ACTR1A: variants seen among roughly 807,000 people sequenced by gnomAD.
ACTR1A encodes the protein actin related protein 1A, also known as alpha-centractin.
A neutral mutation model predicts 50.7 loss-of-function variants in ACTR1A; 10 were observed. The observed-to-expected ratio is 0.20, with a 90% CI of 0.12 to 0.33. The LOEUF is 0.33. Ranked by LOEUF, ACTR1A falls within the 10% of genes least tolerant of loss-of-function variation. The pLI, the probability that ACTR1A is intolerant of heterozygous loss-of-function variation, is 1.00. For synonymous variants in ACTR1A, 177 were observed against 184.2 expected, an observed-to-expected ratio of 0.96 and a Z score of 0.32; for missense variants, 253 against 491.7, an observed-to-expected ratio of 0.51 and a Z score of 4.59.
At position 102,484,549 on chromosome 10, in the gene ACTR1A, A is replaced by G. The variant is rs531180403; in HGVS notation, c.441-173T>C. 3.6e-4 allele frequency among the ~76,000 whole-genome samples: 54 copies of G among 152,074 alleles called. 1 individual carries two copies. Among genetic ancestry groups the G allele is most frequent in the Non-Finnish European group, 5.7e-4 (39 of 68,002 alleles). ...GCCCAGGTGTTGGAGCAAGCCATGA[A>G]ATACCTGAACGGAAGTTGCTGATCT... On this transcript the variant is annotated intron_variant, in intron 5 of 10. Coordinates refer to ENST00000369905, the MANE Select transcript of ACTR1A (RefSeq NM_005736.4).
intron 4 of ACTR1A, among the ~76,000 whole-genome samples, chr10:102,487,411 C>CCACA (rs145401540): frequency 1.3e-5 from 2 of 150,916 alleles, no homozygotes; most frequent in African/African-American, 4.9e-5. Flanking sequence ...CAAAACCCCA[C>CCACA]CACACACACA....
chr10:102,501,536 C>T (rs2062251570), intron 1 of ACTR1A, among the ~76,000 whole-genome samples: 1 of 152,150 alleles, frequency 6.6e-6, no homozygotes, highest in African/African-American at 2.4e-5. Flanking sequence ...AGTCGTTTTA[C>T]AATTTTCTCC....
At chr10:102,485,586 C>T (rs369506532) in intron 5 of ACTR1A, 23 bp downstream of exon 5, 26 of 1,612,378 alleles carry the variant, frequency 1.6e-5, no homozygotes, top group Admixed American at 3.3e-5. Context: ...CCGCAGGGGC[C>T]GGGCTAGCCA....
At chr10:102,499,307 A>T (rs2062236337) in intron 1 of ACTR1A, among the ~76,000 whole-genome samples, 1 of 152,032 alleles carries the variant, frequency 6.6e-6, no homozygotes, top group Non-Finnish European at 1.5e-5. Flanking sequence ...AAACAAAATG[A>T]CCCCCCAAAT....
chr10:102,486,716 C>A (rs2062169787), intron 4 of ACTR1A, among the ~76,000 whole-genome samples: 1 of 151,694 alleles, frequency 6.6e-6, no homozygotes. Flanking sequence ...AAAAAAAACC[C>A]AAAACTGAAA....
chr10:102,486,857 C>T (rs2062170970), intron 4 of ACTR1A, among the ~76,000 whole-genome samples: 1 of 151,298 alleles, frequency 6.6e-6, no homozygotes, highest in East Asian at 1.9e-4. Flanking sequence ...GCGATCTTGG[C>T]TTACTGCAAC....
Position 102,482,748 on chromosome 10 carries a change from A to C in ACTR1A, c.750+263T>G, listed in dbSNP as rs1009677459. 2.1e-6 allele frequency: 1 copy of C among 485,834 alleles called. No individual in the cohort carries two copies. Among genetic ancestry groups the C allele is most frequent in the Non-Finnish European group, 3.7e-6 (1 of 269,438 alleles). The allele number at this position is 485,834 out of a possible 1,614,324, so 30.1% of individuals were successfully genotyped here. A position where few individuals can be genotyped will look rare whatever the true frequency, so the allele number is the denominator to read the frequency against. ...GAAGAATTGTCTTGGGCCACACATA[A>C]TATACACTAACACTAATGACAGCTG... On this transcript the variant is annotated intron_variant, in intron 7 of 10. Coordinates refer to ENST00000369905, the MANE Select transcript of ACTR1A (RefSeq NM_005736.4). This position sits in a 1 kb window ranked among gnomAD's most constrained non-coding sequence, Gnocchi z 5.6.
At chr10:102,499,214 A>G (rs2062236109) in intron 1 of ACTR1A, among the ~76,000 whole-genome samples, 1 of 152,212 alleles carries the variant, frequency 6.6e-6, no homozygotes, top group African/African-American at 2.4e-5. Context: ...AGCTAGTGAT[A>G]CATTATTCTC....
intron 1 of ACTR1A, among the ~76,000 whole-genome samples, chr10:102,501,656 G>A (rs931525534): frequency 6.6e-6 from 1 of 152,170 alleles, no homozygotes; most frequent in Non-Finnish European, 1.5e-5. Context: ...TGGATTTAGG[G>A]CACCTCTGCT....
Position 102,482,371 on chromosome 10 carries a change from A to G in ACTR1A, c.751-196T>C. On this transcript the variant is annotated intron_variant, in intron 7 of 10. Coordinates refer to ENST00000369905, the MANE Select transcript of ACTR1A (RefSeq NM_005736.4). This position sits in a 1 kb window ranked among gnomAD's most constrained non-coding sequence, Gnocchi z 5.6. ...TGGAAACTAGTGAGGGGAGGCTCCT[A>G]TATTTCCTTCTCGCTCTGGCATTTT... 1 of 598,482 alleles carries G rather than the reference A, an allele frequency of 1.7e-6. No homozygotes were observed. Among genetic ancestry groups the G allele is most frequent in the South Asian group, 2.1e-5 (1 of 48,662 alleles). The allele number at this position is 598,482 out of a possible 1,614,324, so 37.1% of individuals were successfully genotyped here. A position where few individuals can be genotyped will look rare whatever the true frequency, so the allele number is the denominator to read the frequency against.
chr10:102,490,698 A>G, intron 1 of ACTR1A, 85 bp from the exon 2 acceptor site: 1 of 1,197,352 alleles, frequency 8.4e-7, no homozygotes, highest in South Asian at 1.3e-5. Context: ...ATTTTTATTT[A>G]AGAAAAGAAA....
chr10:102,486,705 C>CA (rs201415135), intron 4 of ACTR1A, among the ~76,000 whole-genome samples: 13 of 150,608 alleles, frequency 8.6e-5, no homozygotes, highest in Admixed American at 5.3e-4. Flanking sequence ...AAAAAGCAAA[C>CA]AAAAAAAACC....
In ACTR1A at chr10:102,490,570, G is replaced by A; in HGVS notation, c.92C>T (p.Pro31Leu). The change falls in exon 2 of 11, where the codon CCC (proline) becomes CTC (leucine). Residue 31 changes from proline to leucine, a missense_variant. Physicochemically the swap from Pro to Leu is moderately conservative, Grantham distance 98 (BLOSUM62 -3). This residue lies in a region of ACTR1A where 96 missense variants were observed against 238.7 expected (regional missense o/e 0.40). Transcript: ENST00000369905. ...TTACTAGTTTGGAAAGCAGTATTTGGGGATCTGATCACCAGCAAAACCAGC... is the reference window on the plus strand; with the variant it reads ...TTACTAGTTTGGAAAGCAGTATTTGAGGATCTGATCACCAGCAAAACCAGC... Reference protein sequence around the residue: ...IKAGFAGDQIPKYCFPNYVGR... With the variant: ...IKAGFAGDQILKYCFPNYVGR... The A allele has an allele frequency of 6.2e-7, 1 of 1,613,530 alleles. No individual in the cohort carries two copies. Among genetic ancestry groups the A allele is most frequent in the South Asian group, 1.1e-5 (1 of 91,054 alleles).
chr10:102,489,234 A>T lies in ACTR1A; in HGVS notation c.114-96T>A, dbSNP rs976416788. On this transcript the variant is annotated intron_variant, in intron 2 of 10. Transcript: ENST00000369905. ...ACATACACACTCAAATTCTACTGAG[A>T]TTATCTTCAAGGAGTGAAGTCACAG... 9.9e-6 allele frequency: 8 copies of T among 804,662 alleles called. No individual in the cohort carries two copies. The East Asian group carries it at 2.4e-4, about 25-fold the overall frequency. 49.8% of individuals were successfully genotyped at this position (804,662 alleles called of 1,614,324 possible). A position where few individuals can be genotyped will look rare whatever the true frequency, so the allele number is the denominator to read the frequency against.
Position 102,481,180 on chromosome 10 carries a change from G to T in ACTR1A, c.988-8C>A, listed in dbSNP as rs757199234. 7 of 1,582,390 alleles carry T rather than the reference G, an allele frequency of 4.4e-6. No individual in the cohort carries two copies. The Admixed American group carries it at 5.6e-5, about 13-fold the overall frequency. On this transcript the variant is annotated splice_polypyrimidine_tract_variant and splice_region_variant and intron_variant, in intron 9 of 10. Coordinates refer to ENST00000369905, the MANE Select transcript of ACTR1A (RefSeq NM_005736.4). ...CTCCTGAGGTGCAGATATCTGCAAAGGTGGGGGAAAGAGGAATCTGAGACT... is the reference window on the plus strand; with the variant it reads ...CTCCTGAGGTGCAGATATCTGCAAATGTGGGGGAAAGAGGAATCTGAGACT...
intron 6 of ACTR1A, chr10:102,483,588 T>C (rs1194183764): frequency 1.9e-5 from 3 of 158,930 alleles, no homozygotes; most frequent in African/African-American, 7.2e-5. Flanking sequence ...GCTGCAATTC[T>C]AGCACTTTGG....
intron 6 of ACTR1A, 126 bp downstream of exon 6, chr10:102,484,034 A>C: frequency 2.5e-6 from 2 of 801,616 alleles, no homozygotes; most frequent in African/African-American, 1.7e-5. Context: ...CTGGCTGGGA[A>C]GAACAAGGCC....
chr10:102,499,571 C>T (rs899740319), intron 1 of ACTR1A, among the ~76,000 whole-genome samples: 1 of 152,106 alleles, frequency 6.6e-6, no homozygotes, highest in African/African-American at 2.4e-5. Flanking sequence ...AAAATTAAGA[C>T]GCATTAGTGT....
intron 1 of ACTR1A, among the ~76,000 whole-genome samples, chr10:102,500,041 A>C (rs1365844887): frequency 6.6e-6 from 1 of 152,170 alleles, no homozygotes; most frequent in East Asian, 1.9e-4. Flanking sequence ...ATCTTTCTTA[A>C]ATTTTTTTTC....
Sources: allele counts gnomAD v4.1 joint callset (sites outside exome capture counted in the v4.1 genomes callset), GRCh38; gene constraint gnomAD v4.1.1; regional missense constraint gnomAD v4.1.1; non-coding constraint Gnocchi (gnomAD v3.1); transcripts MANE v1.5; gene names NCBI Gene and HGNC (gene_info 2026-07-23, HGNC 2026-07-21).